PLCG2: variants seen among roughly 807,000 people sequenced by gnomAD.
The protein encoded by PLCG2 is phospholipase C gamma 2.
PLCG2 carries 69 observed loss-of-function variants against 175.6 expected under a neutral mutation model. The ratio of observed to expected loss-of-function variants is 0.39; its 90% CI spans 0.32 to 0.48. The LOEUF (loss-of-function observed/expected upper bound fraction) is 0.48. Ranked by LOEUF, PLCG2 falls within the 20% of genes least tolerant of loss-of-function variation. The probability of loss-of-function intolerance (pLI) is 0.91; values close to 1 mark genes in which losing one functional copy is unlikely to be tolerated. For missense variants in PLCG2, 1,798 were observed against 1,650.9 expected (o/e 1.09, Z -1.54); for synonymous variants, 827 against 624.0 (o/e 1.33, Z -4.85).
chr16:81,760,252 T>C (rs1228289405), intron 2 of PLCG2, among the ~76,000 whole-genome samples: 1 of 152,160 alleles, frequency 6.6e-6, no homozygotes, highest in Non-Finnish European at 1.5e-5. Flanking sequence ...ACAGGTGGGA[T>C]TGCTCGAGTA....
chr16:81,790,890 G>A (rs944146811), intron 2 of PLCG2, among the ~76,000 whole-genome samples: 3 of 152,088 alleles, frequency 2.0e-5, no homozygotes, highest in Admixed American at 1.3e-4. Flanking sequence ...GCTGTTAAAT[G>A]TTCTGTAGTG....
At chr16:81,797,746 G>A (rs13380692) in intron 2 of PLCG2, among the ~76,000 whole-genome samples, 41,552 of 152,102 alleles carry the variant, frequency 0.27, 6,314 homozygotes, top group East Asian at 0.68. Flanking sequence ...ACCATACACC[G>A]TGGTTCCACT....
intron 2 of PLCG2, among the ~76,000 whole-genome samples, chr16:81,759,716 A>C (rs112794157): frequency 6.6e-6 from 1 of 152,256 alleles, no homozygotes; most frequent in South Asian, 2.1e-4. Flanking sequence ...TAGCTTGTAT[A>C]TATGGACATA....
chr16:81,872,826 T>A (rs570459479), intron 7 of PLCG2, among the ~76,000 whole-genome samples: 1 of 151,988 alleles, frequency 6.6e-6, no homozygotes, highest in Non-Finnish European at 1.5e-5. Context: ...CAATGGGAGG[T>A]TGGGAGTTGT....
chr16:81,824,419 C>G (rs1171292622), intron 2 of PLCG2, among the ~76,000 whole-genome samples: 2 of 152,210 alleles, frequency 1.3e-5, no homozygotes, highest in East Asian at 3.8e-4. Context: ...CAAGCGTGAG[C>G]CACTGCACAT....
intron 9 of PLCG2, 136 bp from the exon 10 acceptor site, chr16:81,889,036 A>G (rs1908506075): frequency 1.7e-6 from 1 of 601,648 alleles, no homozygotes. Flanking sequence ...AGGCCTCAAC[A>G]TGTGGTGGTC....
intron 31 of PLCG2, among the ~76,000 whole-genome samples, chr16:81,951,511 C>T (rs765792151): frequency 5.9e-5 from 9 of 152,134 alleles, no homozygotes; most frequent in African/African-American, 2.2e-4. Flanking sequence ...ATTTAAATAA[C>T]GTAATTCCAA....
chr16:81,920,879 A>G (rs914061224), intron 20 of PLCG2, among the ~76,000 whole-genome samples: 3 of 152,226 alleles, frequency 2.0e-5, no homozygotes, highest in Non-Finnish European at 2.9e-5. Flanking sequence ...AGTGATGTAC[A>G]CAGTGGGCTT....
At chr16:81,916,885 T>G (rs67150050) in intron 19 of PLCG2, among the ~76,000 whole-genome samples, 1 of 151,942 alleles carries the variant, frequency 6.6e-6, no homozygotes, top group African/African-American at 2.4e-5. Flanking sequence ...TGATCCACCC[T>G]CCTTGGCCTC....
chr16:81,947,307 A>T (rs1367152493), intron 31 of PLCG2, among the ~76,000 whole-genome samples: 5 of 152,196 alleles, frequency 3.3e-5, no homozygotes, highest in African/African-American at 9.7e-5. Flanking sequence ...GTCGACGCTC[A>T]CAAATCTGCT....
intron 24 of PLCG2, 134 bp downstream of exon 24, chr16:81,928,758 G>A (rs1471464966): frequency 2.9e-6 from 2 of 680,098 alleles, no homozygotes; most frequent in Non-Finnish European, 5.5e-6. Flanking sequence ...GGCTGAAGCT[G>A]AGTATTTAGG....
intron 2 of PLCG2, among the ~76,000 whole-genome samples, chr16:81,820,290 C>G (rs192473478): frequency 2.6e-5 from 4 of 152,218 alleles, no homozygotes; most frequent in Non-Finnish European, 5.9e-5. Context: ...GGTTCCCTCA[C>G]TTCCCTCTGC....
intron 2 of PLCG2, among the ~76,000 whole-genome samples, chr16:81,762,140 A>C (rs1910054565): frequency 6.6e-6 from 1 of 152,044 alleles, no homozygotes; most frequent in Non-Finnish European, 1.5e-5. Context: ...TGGCCCCTGA[A>C]CATTTACTCT....
chr16:81,772,932 C>G (rs550340445), intron 2 of PLCG2, among the ~76,000 whole-genome samples: 2 of 152,320 alleles, frequency 1.3e-5, no homozygotes, highest in East Asian at 3.9e-4. Flanking sequence ...CAGCCTATGA[C>G]CACTGCAGGA....
intron 2 of PLCG2, among the ~76,000 whole-genome samples, chr16:81,787,165 A>C (rs1298947614): frequency 1.3e-5 from 2 of 152,086 alleles, no homozygotes; most frequent in Non-Finnish European, 2.9e-5. Context: ...ATTTCATGCT[A>C]TTTCCAGGCT....
intron 5 of PLCG2, among the ~76,000 whole-genome samples, chr16:81,868,678 A>G (rs72837428): frequency 0.15 from 22,459 of 152,228 alleles, 2,160 homozygotes; most frequent in East Asian, 0.47. Context: ...CTGGGCAGAA[A>G]TCACATCATG....
At chr16:81,868,186 C>A (rs1335568977) in intron 5 of PLCG2, among the ~76,000 whole-genome samples, 1 of 152,166 alleles carries the variant, frequency 6.6e-6, no homozygotes. Flanking sequence ...TGGGGGTCAA[C>A]CATGTGTACT....
Position 81,959,559 on chromosome 16 carries a change from G to A in PLCG2, c.*1561G>A, listed in dbSNP as rs991240943. The A allele has an allele frequency of 4.9e-6, 1 of 203,820 alleles. No individual in the cohort carries two copies. Among genetic ancestry groups the A allele is most frequent in the African/African-American group, 2.3e-5 (1 of 43,730 alleles). 12.6% of individuals were successfully genotyped at this position (203,820 alleles called of 1,614,324 possible). A position where few individuals can be genotyped will look rare whatever the true frequency, so the allele number is the denominator to read the frequency against. ...CCAGGAACACAGGGAACAGCAGTCTGGCCAAGGAAGGGCTGTTATCTGGTG... is the reference window on the plus strand; with the variant it reads ...CCAGGAACACAGGGAACAGCAGTCTAGCCAAGGAAGGGCTGTTATCTGGTG... On this transcript the variant is annotated 3_prime_UTR_variant, in exon 33 of 33. Coordinates refer to ENST00000564138, the MANE Select transcript of PLCG2 (RefSeq NM_002661.5).
chr16:81,944,262 G>A (rs1402440369), intron 30 of PLCG2, among the ~76,000 whole-genome samples: 1 of 150,150 alleles, frequency 6.7e-6, no homozygotes, highest in Non-Finnish European at 1.5e-5. Context: ...TCAGCCCTCT[G>A]GATCTGTGGA....
Sources: allele counts gnomAD v4.1 joint callset (sites outside exome capture counted in the v4.1 genomes callset), GRCh38; gene constraint gnomAD v4.1.1; transcripts MANE v1.5; gene names NCBI Gene and HGNC (gene_info 2026-07-23, HGNC 2026-07-21).